ARSG: variants seen among roughly 807,000 people sequenced by gnomAD.
The protein encoded by ARSG is ASG.
In ARSG, 37 loss-of-function variants were observed where a neutral mutation model predicts 50.5. The observed-to-expected ratio is 0.73, with a 90% CI of 0.56 to 0.96. The LOEUF (loss-of-function observed/expected upper bound fraction) is 0.96, where lower values mean the gene tolerates loss of function less well. Ranked by LOEUF, ARSG falls within the 50% of genes least tolerant of loss-of-function variation. The pLI is 0.00. For missense variants in ARSG, 629 were observed against 675.3 expected (o/e 0.93, Z 0.76); for synonymous variants, 225 against 254.6 (o/e 0.88, Z 1.11).
intron 1 of ARSG, among the ~76,000 whole-genome samples, chr17:68,284,478 C>G (rs1161602043): frequency 6.6e-6 from 1 of 152,142 alleles, no homozygotes. Flanking sequence ...TTTTCAGGGT[C>G]AGGGTGCATT....
At chr17:68,287,666 C>G (rs2075871465), upstream of ARSG, among the ~76,000 whole-genome samples, 1 of 152,266 alleles carries the variant, frequency 6.6e-6, no homozygotes, top group Admixed American at 6.5e-5. Context: ...AGATGACACC[C>G]TGAACCCCGT....
At chr17:68,410,915 G>C (rs1216006841) in intron 11 of ARSG, among the ~76,000 whole-genome samples, 1 of 152,156 alleles carries the variant, frequency 6.6e-6, no homozygotes, top group African/African-American at 2.4e-5. Flanking sequence ...TTGCATAGAG[G>C]TGTTTGTAGT....
At chr17:68,351,542 C>A in intron 4 of ARSG, 33 bp from the exon 5 acceptor site, 1 of 1,280,266 alleles carries the variant, frequency 7.8e-7, no homozygotes, top group Non-Finnish European at 1.1e-6. Context: ...GTCGCAGCCA[C>A]GTGGGGGTGC....
intron 1 of ARSG, among the ~76,000 whole-genome samples, chr17:68,299,937 C>CTTTTTTTT (rs34778190): frequency 7.2e-6 from 1 of 137,990 alleles, no homozygotes; most frequent in African/African-American, 2.7e-5. Context: ...TTTGGTATTG[C>CTTTTTTTT]TTTTTTTTTT....
intron 11 of ARSG, among the ~76,000 whole-genome samples, chr17:68,404,922 T>C (rs12936113): frequency 0.81 from 123,957 of 152,174 alleles, 50,819 homozygotes; most frequent in African/African-American, 0.91. Context: ...TTTCCCAGCA[T>C]CATTTATTGA....
the ARSG span, chr17:68,436,247 C>G: frequency 1.3e-6 from 1 of 767,130 alleles, no homozygotes; most frequent in Non-Finnish European, 2.2e-6. Context: ...GTATCACCTT[C>G]TCTTGAACAA....
chr17:68,409,407 G>T (rs2081901196), intron 11 of ARSG, among the ~76,000 whole-genome samples: 2 of 150,004 alleles, frequency 1.3e-5, no homozygotes, highest in South Asian at 2.1e-4. Context: ...GTTTTTCTCA[G>T]GTTTGTCAAA....
At chr17:68,363,764 G>A (rs996904791) in intron 6 of ARSG, among the ~76,000 whole-genome samples, 1 of 151,996 alleles carries the variant, frequency 6.6e-6, no homozygotes, top group Non-Finnish European at 1.5e-5. Context: ...ATCGTGCCTG[G>A]CCGAGCCCTA....
downstream of ARSG, chr17:68,426,252 G>GGGGGGGGA: frequency 1.2e-6 from 1 of 828,188 alleles, no homozygotes; most frequent in South Asian, 1.3e-5. Context: ...TGGGGAGCGG[G>GGGGGGGGA]GGCTCAAATA....
intron 1 of ARSG, among the ~76,000 whole-genome samples, chr17:68,282,821 G>C (rs2075738266): frequency 1.4e-5 from 2 of 146,800 alleles, no homozygotes; most frequent in Admixed American, 1.4e-4. Context: ...GCTGGTGGGT[G>C]CCTGTAACCC....
chr17:68,293,081 A>G (rs1188082895), intron 1 of ARSG, among the ~76,000 whole-genome samples: 1 of 152,198 alleles, frequency 6.6e-6, no homozygotes, highest in Non-Finnish European at 1.5e-5. Flanking sequence ...GCTGACTCCA[A>G]CACACTCCCT....
chr17:68,267,891 C>T (rs1309646794), intron 1 of ARSG: 1 of 152,158 alleles, frequency 6.6e-6, no homozygotes, highest in Non-Finnish European at 1.5e-5. Flanking sequence ...GTCTCTGTTA[C>T]CCCCATGTGA....
At chr17:68,273,982 G>A (rs781832508) in intron 1 of ARSG, 26 of 1,613,960 alleles carry the variant, frequency 1.6e-5, no homozygotes, top group Middle Eastern at 1.6e-4. Context: ...AGAAGGAGGC[G>A]GCCACCATCC....
chr17:68,350,911 C>T (rs140487619), intron 4 of ARSG, among the ~76,000 whole-genome samples: 3 of 152,262 alleles, frequency 2.0e-5, no homozygotes, highest in Admixed American at 1.3e-4. Context: ...TCAATGCTCA[C>T]ACCCTTCCAT....
chr17:68,262,143 C>G (rs1555745313), intron 1 of ARSG, among the ~76,000 whole-genome samples: 1 of 134,004 alleles, frequency 7.5e-6, no homozygotes, highest in Non-Finnish European at 1.6e-5. Context: ...GTGACAAGAG[C>G]AAAACTCCAT....
chr17:68,426,247 AGC>A, downstream of ARSG: 19 of 668,416 alleles, frequency 2.8e-5, 3 homozygotes, highest in South Asian at 7.0e-5. Context: ...GCGGGTGGGG[AGC>A]GGGGGCTCAA....
chr17:68,332,166 G>T (rs867739648), intron 2 of ARSG, among the ~76,000 whole-genome samples: 12 of 152,260 alleles, frequency 7.9e-5, no homozygotes, highest in Middle Eastern at 3.4e-3. Flanking sequence ...TCCCAAAGTG[G>T]CCATTTTAGA....
At chr17:68,283,424 G>A (rs2145136247) in intron 1 of ARSG, among the ~76,000 whole-genome samples, 1 of 152,032 alleles carries the variant, frequency 6.6e-6, no homozygotes, top group East Asian at 1.9e-4. Context: ...CGGAGGCTGA[G>A]GCAGGAGAAT....
chr17:68,413,491 G>A (rs1177483093), intron 11 of ARSG: 3 of 152,192 alleles, frequency 2.0e-5, no homozygotes, highest in Non-Finnish European at 4.4e-5. Context: ...CCAGCTGCGT[G>A]CTGGGAGAAC....
Sources: gnomAD v4.1 joint callset for allele counts (sites outside exome capture counted in the v4.1 genomes callset) on GRCh38, gnomAD v4.1.1 for gene constraint, MANE v1.5 for transcripts, NCBI Gene and HGNC (gene_info 2026-07-23, HGNC 2026-07-21) for gene names.